The following TMBIM1 variants were observed in gnomAD, a reference collection of about 807,000 sequenced individuals.
The protein encoded by TMBIM1 is protein lifeguard 3.
TMBIM1 carries 34 observed loss-of-function variants against 45.1 expected under a neutral mutation model. The observed-to-expected ratio is 0.75, with a 90% confidence interval of 0.57 to 1.00. The LOEUF (loss-of-function observed/expected upper bound fraction) is 1.00. Among genes scored for constraint, TMBIM1 ranks in the 50% least tolerant of loss-of-function variants. TMBIM1 has a pLI of 0.00. For missense variants in TMBIM1, 374 were observed against 402.4 expected (o/e 0.93, Z 0.60); for synonymous variants, 157 against 153.5 (o/e 1.02, Z -0.17).
intron 1 of TMBIM1, among the ~76,000 whole-genome samples, chr2:218,291,473 G>A (rs1692923206): frequency 6.6e-6 from 1 of 152,164 alleles, no homozygotes; most frequent in South Asian, 2.1e-4. Context: ...CAGAGAACTG[G>A]ACACCTGAGG....
At position 218,280,145 on chromosome 2, in the gene TMBIM1, TGACTCA is replaced by T; in HGVS notation, c.203-25_203-20del. The T allele has an allele frequency of 6.3e-7, 1 of 1,583,356 alleles. No homozygotes were observed. The highest frequency in any genetic ancestry group is 8.7e-7 in the Non-Finnish European group (1 of 1,151,848). On this transcript the variant is annotated intron_variant, in intron 2 of 11. Coordinates refer to ENST00000258412, the MANE Select transcript of TMBIM1 (RefSeq NM_022152.6). ...CCTGGGCCTAGGGACAGATGACACT[TGACTCA>T]GCTGGGGACCTGAGACATGTGGCGT... is the stretch of plus-strand genomic sequence containing the variant.
intron 2 of TMBIM1, chr2:218,281,142 T>TTTTTTTTTGGG (rs1559504868): frequency 6.6e-5 from 7 of 105,624 alleles, no homozygotes; most frequent in African/African-American, 1.9e-4. Flanking sequence ...TTTTTTTTGG[T>TTTTTTTTTGGG]TTTTTTTTTG....
intron 1 of TMBIM1, chr2:218,290,092 G>T (rs866793138): frequency 6.6e-6 from 1 of 152,156 alleles, no homozygotes; most frequent in African/African-American, 2.4e-5. Context: ...TGGAGAAACA[G>T]AATCACCTAG....
intron 8 of TMBIM1, 66 bp downstream of exon 8, chr2:218,277,567 G>T: frequency 2.5e-6 from 4 of 1,610,718 alleles, no homozygotes; most frequent in Non-Finnish European, 3.4e-6. Context: ...CTGGCTGCCG[G>T]CCCAGGAACA....
intron 6 of TMBIM1, 38 bp downstream of exon 6, chr2:218,278,475 CCT>C (rs771779840): frequency 3.7e-5 from 59 of 1,603,144 alleles, no homozygotes; most frequent in African/African-American, 1.3e-4. Context: ...CATCCCAATC[CCT>C]GTCACCCCTC....
At chr2:218,281,265 A>C (rs1691959847) in intron 2 of TMBIM1, among the ~76,000 whole-genome samples, 1 of 150,898 alleles carries the variant, frequency 6.6e-6, no homozygotes, top group African/African-American at 2.4e-5. Flanking sequence ...CCTCCTGAGT[A>C]GCTGGGATTA....
At chr2:218,282,212 A>ATCT in intron 1 of TMBIM1, 31 bp from the exon 2 acceptor site, 1 of 1,281,190 alleles carries the variant, frequency 7.8e-7, no homozygotes, top group Non-Finnish European at 1.0e-6. Flanking sequence ...AGCAATCGTG[A>ATCT]ATGCCCAGGC....
At chr2:218,276,809 C>T (rs570486715) in intron 10 of TMBIM1, among the ~76,000 whole-genome samples, 195 bp downstream of exon 10, 2 of 152,218 alleles carry the variant, frequency 1.3e-5, no homozygotes, top group East Asian at 3.9e-4. Context: ...GCTCCAAGGC[C>T]GCCCATCTCC....
At chr2:218,281,608 G>C (rs1342038735) in intron 2 of TMBIM1, among the ~76,000 whole-genome samples, 1 of 152,228 alleles carries the variant, frequency 6.6e-6, no homozygotes, top group Non-Finnish European at 1.5e-5. Flanking sequence ...GCAGCAGCTT[G>C]TTGGCCGCTT....
At chr2:218,279,927 T>G in intron 3 of TMBIM1, 99 bp downstream of exon 3, 1 of 871,710 alleles carries the variant, frequency 1.1e-6, no homozygotes, top group South Asian at 1.4e-5. Flanking sequence ...CCAGTGTATT[T>G]CATGGAATTG....
In TMBIM1 at chr2:218,282,058, C is replaced by T. The variant is rs758136811; in HGVS notation, c.84G>A (p.Gln28=). The change falls in exon 2 of 12, where the codon CAG becomes CAA. Residue 28 remains glutamine (Q), a synonymous_variant. Transcript: ENST00000258412. ...GATACCCTCCTGGCAGGACAGATGG[C>T]TGCCCATAGCCCCCAGGGGGCGGAG... ...PGPPPPGGYG[Q]PSVLPGGYPA... 1 of 1,599,238 alleles carries T rather than the reference C, an allele frequency of 6.3e-7. No homozygotes were observed. Among genetic ancestry groups the T allele is most frequent in the Non-Finnish European group, 8.5e-7 (1 of 1,173,932 alleles).
chr2:218,288,413 A>AGG (rs1692699703), intron 1 of TMBIM1, among the ~76,000 whole-genome samples: 1 of 152,206 alleles, frequency 6.6e-6, no homozygotes, highest in African/African-American at 2.4e-5. Context: ...TGGGCAACAG[A>AGG]GGGAGACTCT....
Position 218,277,003 on chromosome 2 carries a change from C to G in TMBIM1, c.735+1G>C. On this transcript the variant is annotated splice_donor_variant, in intron 10 of 11. Transcript: ENST00000258412. LOFTEE classifies it high-confidence loss of function. The stretch of plus-strand genomic sequence containing the variant: ...GACCCCAGCTCTCCTGGGACACTCA[C>G]GTATTGGAAGTAGAGCACAATGCTA... 1 of 1,613,466 alleles carries G rather than the reference C, an allele frequency of 6.2e-7. No individual in the cohort carries two copies. The highest frequency in any genetic ancestry group is 8.5e-7 in the Non-Finnish European group (1 of 1,179,436).
intron 1 of TMBIM1, among the ~76,000 whole-genome samples, chr2:218,282,522 T>G (rs10932769): frequency 0.35 from 53,590 of 152,134 alleles, 9,876 homozygotes; most frequent in Middle Eastern, 0.51. Context: ...TTTGGTGGCT[T>G]GATGGCAGAA....
At chr2:218,281,236 A>G (rs1473000903) in intron 2 of TMBIM1, among the ~76,000 whole-genome samples, 1 of 148,526 alleles carries the variant, frequency 6.7e-6, no homozygotes, top group Non-Finnish European at 1.5e-5. Flanking sequence ...TGGGATTGCA[A>G]GCGATTCTCC....
intron 10 of TMBIM1, 62 bp from the exon 11 acceptor site, chr2:218,276,141 C>T (rs935468182): frequency 3.2e-6 from 5 of 1,560,714 alleles, no homozygotes; most frequent in African/African-American, 2.7e-5. Context: ...GCCCACAGGC[C>T]CCAGCTTCCC....
chr2:218,277,197 G>T, intron 9 of TMBIM1, 98 bp from the exon 10 acceptor site: 2 of 1,210,036 alleles, frequency 1.7e-6, no homozygotes, highest in Non-Finnish European at 1.2e-6. Flanking sequence ...CCTCCTAGGG[G>T]GTATGGGAAT....
intron 2 of TMBIM1, among the ~76,000 whole-genome samples, chr2:218,281,191 T>C (rs1315016649): frequency 7.1e-6 from 1 of 140,648 alleles, no homozygotes; most frequent in East Asian, 2.2e-4. Context: ...TGAAGTGCAG[T>C]AGTGCGATCC....
chr2:218,288,933 C>G (rs1184810513), intron 1 of TMBIM1, among the ~76,000 whole-genome samples: 1 of 152,128 alleles, frequency 6.6e-6, no homozygotes, highest in African/African-American at 2.4e-5. Context: ...TACCCTCATC[C>G]CACTCTATAG....
Sources: gnomAD v4.1 joint callset for allele counts (sites outside exome capture counted in the v4.1 genomes callset) on GRCh38, gnomAD v4.1.1 for gene constraint, MANE v1.5 for transcripts, NCBI Gene and HGNC (gene_info 2026-07-23, HGNC 2026-07-21) for gene names.